Variants in SPP2 observed in about 807,000 individuals in gnomAD.
The protein encoded by SPP2 is secreted phosphoprotein 2.
Under a neutral mutation model 28.8 loss-of-function variants are expected in SPP2, and 34 were observed. That is an observed-to-expected ratio of 1.18 (90% confidence interval 0.90 to 1.57). SPP2 has a LOEUF of 1.57. Among genes scored for constraint, SPP2 ranks in the 40% most tolerant of loss-of-function variants. SPP2 has a pLI of 0.00. For synonymous variants in SPP2, 96 were observed against 89.4 expected (o/e 1.07, Z -0.42); for missense variants, 269 against 263.9 (o/e 1.02, Z -0.13).
intron 6 of SPP2, among the ~76,000 whole-genome samples, chr2:234,069,544 T>G (rs1409264064): frequency 6.6e-6 from 1 of 152,254 alleles, no homozygotes; most frequent in East Asian, 1.9e-4. Flanking sequence ...GAAGTGCGGC[T>G]GTCTTGGAGA....
intron 4 of SPP2, among the ~76,000 whole-genome samples, chr2:234,064,303 CAG>C (rs1693776837): frequency 1.3e-5 from 2 of 152,022 alleles, no homozygotes; most frequent in East Asian, 3.9e-4. Context: ...ACCCTTGCTG[CAG>C]AGAGGCTTTC....
chr2:234,071,167 A>G lies in SPP2; in HGVS notation c.*10+1144A>G, dbSNP rs560188257. On this transcript the variant is annotated intron_variant, in intron 7 of 7. Transcript: ENST00000168148. ...CCCCACATTTCTCTGGCATTGCTCC[A>G]TCACTTCACTACCATCACCAATGAA... 3.3e-5 allele frequency among the ~76,000 whole-genome samples: 5 copies of G among 152,300 alleles called. No homozygotes were observed. In the South Asian group the frequency reaches 6.2e-4, roughly 19 times the overall value.
chr2:234,071,848 T>C (rs1357462838), intron 7 of SPP2, among the ~76,000 whole-genome samples: 1 of 152,224 alleles, frequency 6.6e-6, no homozygotes, highest in Non-Finnish European at 1.5e-5. Context: ...CCCAGCTCAG[T>C]TGTCACTTCC....
At position 234,056,963 on chromosome 2, in the gene SPP2, C is replaced by T. The variant is rs1030568967; in HGVS notation, c.211-1873C>T. On this transcript the variant is annotated intron_variant, in intron 2 of 7. Coordinates refer to ENST00000168148, the MANE Select transcript of SPP2 (RefSeq NM_006944.3). ...TTATTCCCTACTTGTAAGTAGTTCT[C>T]GCTCTCACAGAAAGAGCGCTGCCTC... Among the ~76,000 whole-genome samples, 7 of 151,974 alleles carry T rather than the reference C, an allele frequency of 4.6e-5. No homozygotes were observed. The South Asian group carries it at 1.0e-3, about 23-fold the overall frequency.
In SPP2 at chr2:234,060,465, T is replaced by C. The variant is rs755325619; in HGVS notation, c.430T>C (p.Tyr144His). 1 of 1,613,608 alleles carries C rather than the reference T, an allele frequency of 6.2e-7. No homozygotes were observed. Among genetic ancestry groups the C allele is most frequent in the Admixed American group, 1.7e-5 (1 of 59,972 alleles). ...CSWSSSTSES[Y>H]SSEEMIFGDM... ...CTGGTCCTCCTCCACGTCTGAGTCT[T>C]ACAGCAGCGAAGAGGTATGACTGGG... Residue 144 changes from tyrosine to histidine, a missense_variant, in exon 4 of 8, where the codon TAC becomes CAC. By Grantham distance (83) the Tyr-to-His change is moderately conservative. Coordinates refer to ENST00000168148, the MANE Select transcript of SPP2 (RefSeq NM_006944.3).
intron 7 of SPP2, among the ~76,000 whole-genome samples, chr2:234,071,584 G>A (rs28904007): frequency 3.3e-3 from 499 of 152,336 alleles, no homozygotes; most frequent in Admixed American, 5.3e-3. Context: ...TTTTACATGC[G>A]CACATGTGCA....
intron 3 of SPP2, 124 bp downstream of exon 3, chr2:234,059,082 T>G: frequency 1.7e-6 from 2 of 1,156,868 alleles, no homozygotes; most frequent in Non-Finnish European, 2.4e-6. Flanking sequence ...TGCTAACATG[T>G]GGACATTGTG....
chr2:234,058,313 G>T (rs1206454123), intron 2 of SPP2, among the ~76,000 whole-genome samples: 2 of 152,106 alleles, frequency 1.3e-5, no homozygotes, highest in Admixed American at 6.5e-5. Context: ...AAAAAGCCAC[G>T]AAATAGACCA....
chr2:234,059,040 T>TTGGTCGC, intron 3 of SPP2, 82 bp downstream of exon 3: 1 of 1,520,324 alleles, frequency 6.6e-7, no homozygotes, highest in Non-Finnish European at 8.8e-7. Context: ...CACAAAGAAC[T>TTGGTCGC]TGGTCGCTGC....
intron 2 of SPP2, among the ~76,000 whole-genome samples, chr2:234,051,825 C>A (rs1200642463): frequency 1.3e-5 from 2 of 152,112 alleles, no homozygotes; most frequent in Admixed American, 1.3e-4. Context: ...TCTGTATAGC[C>A]AGGCAGCATG....
chr2:234,071,776 T>A (rs1023247794), intron 7 of SPP2, among the ~76,000 whole-genome samples: 3 of 152,202 alleles, frequency 2.0e-5, no homozygotes, highest in African/African-American at 7.2e-5. Flanking sequence ...TACTTGCAGC[T>A]CCTCTGGCTG....
intron 4 of SPP2, among the ~76,000 whole-genome samples, chr2:234,065,282 GT>G (rs1202835678): frequency 6.6e-6 from 1 of 151,694 alleles, no homozygotes; most frequent in Non-Finnish European, 1.5e-5. Context: ...TCTCATTGTA[GT>G]TTTTTTTGTT....
At position 234,052,051 on chromosome 2, in the gene SPP2, G is replaced by C. The variant is rs1400562544; in HGVS notation, c.210+956G>C. Among the ~76,000 whole-genome samples, 7 of 152,112 alleles carry C rather than the reference G, an allele frequency of 4.6e-5. No individual in the cohort carries two copies. In the South Asian group the frequency reaches 1.5e-3, roughly 32 times the overall value. On this transcript the variant is annotated intron_variant, in intron 2 of 7. Coordinates refer to ENST00000168148, the MANE Select transcript of SPP2 (RefSeq NM_006944.3). ...GATCTTCCTCAGAACCTGGCTCCTA[G>C]TTTCTCTTTTCCAAATTTCAAGGGA...
At chr2:234,070,798 T>G (rs1407501543) in intron 7 of SPP2, among the ~76,000 whole-genome samples, 2 of 152,132 alleles carry the variant, frequency 1.3e-5, no homozygotes, top group African/African-American at 4.8e-5. Flanking sequence ...ATTCGTATGA[T>G]CTCCTTAGTT....
At chr2:234,065,795 C>T (rs1242223154) in intron 4 of SPP2, among the ~76,000 whole-genome samples, 1 of 152,064 alleles carries the variant, frequency 6.6e-6, no homozygotes, top group African/African-American at 2.4e-5. Context: ...TGATGAACTC[C>T]AGTTTATCTA....
At chr2:234,060,596 A>T in intron 4 of SPP2, 117 bp downstream of exon 4, 2 of 732,564 alleles carry the variant, frequency 2.7e-6, no homozygotes, top group South Asian at 3.2e-5. Context: ...GGGATGCCGA[A>T]CTCTGCTGAC....
chr2:234,057,528 T>C (rs1012055550), intron 2 of SPP2, among the ~76,000 whole-genome samples: 3 of 152,228 alleles, frequency 2.0e-5, no homozygotes, highest in African/African-American at 7.2e-5. Context: ...TTTTTCTTGA[T>C]AGCCCCATAA....
chr2:234,050,748 A>C lies in SPP2; in HGVS notation c.-39A>C. On this transcript the variant is annotated 5_prime_UTR_variant, in exon 1 of 8. Coordinates refer to ENST00000168148, the MANE Select transcript of SPP2 (RefSeq NM_006944.3). Reference sequence around the variant, plus strand: ...CTCTTAGGAAGAACTGTCATCCCCAAACACATAGAGAGACACTCTCTGTCT... The same window carrying C: ...CTCTTAGGAAGAACTGTCATCCCCACACACATAGAGAGACACTCTCTGTCT... 3 of 1,589,158 alleles carry C rather than the reference A, an allele frequency of 1.9e-6. No homozygotes were observed. Among genetic ancestry groups the C allele is most frequent in the Non-Finnish European group, 2.6e-6 (3 of 1,157,864 alleles).
In SPP2 at chr2:234,053,384, T is replaced by C. The variant is rs562590966; in HGVS notation, c.210+2289T>C. Among the ~76,000 whole-genome samples, 3 of 152,276 alleles carry C rather than the reference T, an allele frequency of 2.0e-5. No homozygotes were observed. In the East Asian group the frequency reaches 5.8e-4, roughly 29 times the overall value. On this transcript the variant is annotated intron_variant, in intron 2 of 7. Transcript: ENST00000168148. The stretch of plus-strand genomic sequence containing the variant: ...ATGAGTATTTGGGGGTACAGTTCAA[T>C]GGTTGTAGGGAGAAGGGTCGGGCCC...
Sources: allele counts gnomAD v4.1 joint callset (sites outside exome capture counted in the v4.1 genomes callset), GRCh38; gene constraint gnomAD v4.1.1; transcripts MANE v1.5; gene names NCBI Gene and HGNC (gene_info 2026-07-23, HGNC 2026-07-21).